Variants in SALL3 observed in about 807,000 individuals in gnomAD.
The protein encoded by SALL3 is spalt like transcription factor 3, also known as sal-like protein 3.
Under a neutral mutation model 66.2 loss-of-function variants are expected in SALL3, and 25 were observed. The observed-to-expected ratio is 0.38, with a 90% CI of 0.28 to 0.53. The LOEUF (loss-of-function observed/expected upper bound fraction) is 0.53. SALL3 is among the 20% of genes least tolerant of loss of function. SALL3 has a pLI of 0.85. For missense variants in SALL3, 2,194 were observed against 1,916.5 expected, an observed-to-expected ratio of 1.14 and a Z score of -2.70; for synonymous variants, 1,152 against 899.1, an observed-to-expected ratio of 1.28 and a Z score of -5.03.
At chr18:78,988,162 T>G (rs1350318099) in intron 1 of SALL3, among the ~76,000 whole-genome samples, 2 of 152,212 alleles carry the variant, frequency 1.3e-5, no homozygotes, top group Non-Finnish European at 2.9e-5. Context: ...AAAATACAAG[T>G]TTAATTTAAA....
At chr18:78,982,089 C>T (rs1232104155) in intron 1 of SALL3, among the ~76,000 whole-genome samples, 3 of 152,122 alleles carry the variant, frequency 2.0e-5, no homozygotes, top group African/African-American at 7.2e-5. Flanking sequence ...GAGTAAACCC[C>T]CTGGTATTTA....
At chr18:78,982,587 A>T (rs1914110598) in intron 1 of SALL3, among the ~76,000 whole-genome samples, 1 of 152,224 alleles carries the variant, frequency 6.6e-6, no homozygotes, top group Admixed American at 6.5e-5. Flanking sequence ...CCATTTGTGT[A>T]TTACTCGGTC....
rs770242578 is a variant in SALL3, at chr18:78,993,475, C to T, written c.1484C>T (p.Ser495Leu). 4 of 1,612,346 alleles carry T rather than the reference C, an allele frequency of 2.5e-6. No homozygotes were observed. Among genetic ancestry groups the T allele is most frequent in the Non-Finnish European group, 2.5e-6 (3 of 1,179,844 alleles). Reference sequence around the variant, plus strand: ...TACCTGGACAACGTGCCCACCTGCTCGGGCATCCCCTACGGCATGTCGCTG... The same window carrying T: ...TACCTGGACAACGTGCCCACCTGCTTGGGCATCCCCTACGGCATGTCGCTG... ...PEYLDNVPTCSGIPYGMSLPP... is the reference protein window; with the variant it reads ...PEYLDNVPTCLGIPYGMSLPP... Residue 495 changes from serine (S) to leucine (L), a missense_variant, in exon 2 of 3, where the codon TCG (serine) becomes TTG (leucine). Coordinates refer to ENST00000537592, the MANE Select transcript of SALL3 (RefSeq NM_171999.4).
In SALL3 at chr18:78,994,452, C is replaced by G; in HGVS notation, c.2461C>G (p.Pro821Ala). 6.2e-7 allele frequency: 1 copy of G among 1,612,634 alleles called. No homozygotes were observed. ...LKDAATDPAK[P>A]LLSYAGSCPP... is the part of the protein sequence containing the mutation. ...GGACGCGGCCACCGACCCGGCCAAG[C>G]CACTCCTGTCCTACGCGGGGTCCTG... The change falls in exon 2 of 3, where the codon CCA becomes GCA. Residue 821 changes from proline to alanine, a missense_variant. Coordinates refer to ENST00000537592, the MANE Select transcript of SALL3 (RefSeq NM_171999.4).
chr18:78,994,865 G>A lies in SALL3; in HGVS notation c.2874G>A (p.Glu958=). 6.2e-7 allele frequency: 1 copy of A among 1,606,408 alleles called. No homozygotes were observed. Residue 958 remains glutamate, a synonymous_variant, in exon 2 of 3, where the codon GAG becomes GAA. Transcript: ENST00000537592. ...CCCCTGGCCGCGCGGGCATCAAGGA[G>A]GAGGCGCCCTTCAGCCTGCTGTTCC... ...GGAPGRAGIK[E]EAPFSLLFLS... is the part of the protein sequence containing the mutation.
rs951977496 is a variant in SALL3, at chr18:78,998,936, C to T, written c.*1614C>T. 3 of 152,152 alleles carry T rather than the reference C, an allele frequency of 2.0e-5. No homozygotes were observed. The highest frequency in any genetic ancestry group is 1.9e-4 in the East Asian group (1 of 5,188). 9.4% of individuals were successfully genotyped at this position (152,152 alleles called of 1,614,324 possible). ...TTTTCGTGCGTTGCAAGTGTGCTGG[C>T]GTCTGACACTATGAACTTCCAACAA... On this transcript the variant is annotated 3_prime_UTR_variant, in exon 3 of 3. Transcript: ENST00000537592.
Position 78,996,873 on chromosome 18 carries a change from T to G in SALL3, c.3472-18T>G. Reference sequence around the variant, plus strand: ...TGTCTAGGCACTTACTCGTGGGCTGTCTCCGTGTCTCGCGCAGGTGCACAT... The same window carrying G: ...TGTCTAGGCACTTACTCGTGGGCTGGCTCCGTGTCTCGCGCAGGTGCACAT... On this transcript the variant is annotated intron_variant, in intron 2 of 2. Transcript: ENST00000537592. 6.3e-7 allele frequency: 1 copy of G among 1,589,860 alleles called. No individual in the cohort carries two copies. Among genetic ancestry groups the G allele is most frequent in the Non-Finnish European group, 8.6e-7 (1 of 1,165,966 alleles).
Position 78,992,230 on chromosome 18 carries a change from T to C in SALL3, c.239T>C (p.Leu80Pro), listed in dbSNP as rs1279407010. 1.2e-6 allele frequency: 2 copies of C among 1,602,824 alleles called. No individual in the cohort carries two copies. Among genetic ancestry groups the C allele is most frequent in the Non-Finnish European group, 1.7e-6 (2 of 1,176,704 alleles). Reference sequence around the variant, plus strand: ...AGCTGCACCAAGCTCCCGCCCGTGCTGATCGTGCACGAGGACGCGCCCGCG... The same window carrying C: ...AGCTGCACCAAGCTCCCGCCCGTGCCGATCGTGCACGAGGACGCGCCCGCG... ...QRSCTKLPPV[L>P]IVHEDAPAPP... The change falls in exon 2 of 3, where the codon CTG becomes CCG. Residue 80 changes from leucine to proline, a missense_variant. Leu to Pro is a moderately conservative substitution (Grantham distance 98). Coordinates refer to ENST00000537592, the MANE Select transcript of SALL3 (RefSeq NM_171999.4).
chr18:78,985,755 ATTTAT>A (rs1458783148), intron 1 of SALL3, among the ~76,000 whole-genome samples: 1 of 152,116 alleles, frequency 6.6e-6, no homozygotes, highest in African/African-American at 2.4e-5. Flanking sequence ...GGTTTTGCGT[ATTTAT>A]TTCTATGCAT....
In SALL3 at chr18:78,994,243, CCG is replaced by C; in HGVS notation, c.2253_2254del (p.Val752GlyfsTer46). The C allele has an allele frequency of 6.2e-7, 1 of 1,613,734 alleles. No homozygotes were observed. On this transcript the variant is annotated frameshift_variant, in exon 2 of 3. Transcript: ENST00000537592. LOFTEE classifies it high-confidence loss of function. ...ATCTGCCAGAAGAAGTTCACCAACG[CCG>C]TGGTCCTGCAGCAGCACATCCGCAT...
chr18:78,985,494 C>T (rs1914217553), intron 1 of SALL3, among the ~76,000 whole-genome samples: 1 of 152,152 alleles, frequency 6.6e-6, no homozygotes, highest in South Asian at 2.1e-4. Context: ...GATCTGTATA[C>T]GTGCAGAGTC....
intron 1 of SALL3, among the ~76,000 whole-genome samples, chr18:78,982,068 TTTAA>T (rs1914090772): frequency 6.6e-6 from 1 of 152,228 alleles, no homozygotes; most frequent in African/African-American, 2.4e-5. Context: ...TAAAGCATAT[TTTAA>T]TTAATAGAGT....
chr18:78,992,121 C>A lies in SALL3; in HGVS notation c.130C>A (p.Arg44Ser). Residue 44 changes from arginine (R) to serine (S), a missense_variant, in exon 2 of 3, where the codon CGC becomes AGC. Physicochemically the swap from Arg to Ser is moderately radical, Grantham distance 110. Coordinates refer to ENST00000537592, the MANE Select transcript of SALL3 (RefSeq NM_171999.4). ...GGACGCAGACAGCGGGCCCGAGAGC[C>A]GCAGCGGGGGCGAGGAGACCAGCGT... ...AEDADSGPES[R>S]SGGEETSVCE... is the part of the protein sequence containing the mutation. 1.3e-6 allele frequency: 2 copies of A among 1,596,384 alleles called. No homozygotes were observed. Among genetic ancestry groups the A allele is most frequent in the Non-Finnish European group, 1.7e-6 (2 of 1,172,488 alleles).
intron 2 of SALL3, among the ~76,000 whole-genome samples, chr18:78,995,836 G>T (rs1174559414): frequency 6.6e-6 from 1 of 152,082 alleles, no homozygotes; most frequent in East Asian, 1.9e-4. Context: ...CACACACACT[G>T]AGACTACATC....
chr18:78,993,493 T>C lies in SALL3; in HGVS notation c.1502T>C (p.Met501Thr). The C allele has an allele frequency of 6.2e-7, 1 of 1,609,812 alleles. No homozygotes were observed. Among genetic ancestry groups the C allele is most frequent in the Non-Finnish European group, 8.5e-7 (1 of 1,178,846 alleles). Residue 501 changes from methionine (M) to threonine (T), a missense_variant, in exon 2 of 3, where the codon ATG (methionine) becomes ACG (threonine). Met to Thr is a moderately conservative substitution (Grantham distance 81). Transcript: ENST00000537592. ...VPTCSGIPYG[M>T]SLPPEKPVTT... The stretch of plus-strand genomic sequence containing the variant: ...ACCTGCTCGGGCATCCCCTACGGCA[T>C]GTCGCTGCCCCCCGAGAAGCCCGTG...
At chr18:78,985,489 G>T (rs1914217259) in intron 1 of SALL3, among the ~76,000 whole-genome samples, 1 of 152,216 alleles carries the variant, frequency 6.6e-6, no homozygotes, top group South Asian at 2.1e-4. Context: ...TGTAGGATCT[G>T]TATACGTGCA....
In SALL3 at chr18:78,991,048, G is replaced by A. The variant is rs915823157; in HGVS notation, c.83-1026G>A. Among the ~76,000 whole-genome samples, 4 of 152,150 alleles carry A rather than the reference G, an allele frequency of 2.6e-5. No homozygotes were observed. In the East Asian group the frequency reaches 7.7e-4, roughly 29 times the overall value. ...AATTAAACATGTGTAACCAATTAGA[G>A]GGTTTTCCACTATGGCACAAGCATA... On this transcript the variant is annotated intron_variant, in intron 1 of 2. Coordinates refer to ENST00000537592, the MANE Select transcript of SALL3 (RefSeq NM_171999.4).
rs1007194503 is a variant in SALL3 at position 78,993,489 on chromosome 18, G to A, written c.1498G>A (p.Gly500Ser). 3.7e-6 allele frequency: 6 copies of A among 1,610,752 alleles called. No individual in the cohort carries two copies. Among genetic ancestry groups the A allele is most frequent in the South Asian group, 1.1e-5 (1 of 90,848 alleles). ...GCCCACCTGCTCGGGCATCCCCTAC[G>A]GCATGTCGCTGCCCCCCGAGAAGCC... ...NVPTCSGIPY[G>S]MSLPPEKPVT... The change falls in exon 2 of 3, where the codon GGC (glycine) becomes AGC (serine). Residue 500 changes from glycine to serine, a missense_variant. Coordinates refer to ENST00000537592, the MANE Select transcript of SALL3 (RefSeq NM_171999.4).
In SALL3 at chr18:78,992,924, C is replaced by A. The variant is rs1227392848; in HGVS notation, c.933C>A (p.Pro311=). The A allele has an allele frequency of 8.0e-6, 8 of 999,976 alleles. No individual in the cohort carries two copies. The highest frequency in any genetic ancestry group is 8.3e-6 in the Non-Finnish European group (7 of 841,136). The allele number at this position is 999,976 out of a possible 1,614,324, so 61.9% of individuals were successfully genotyped here. Residue 311 remains proline, a synonymous_variant, in exon 2 of 3, where the codon CCC becomes CCA. Coordinates refer to ENST00000537592, the MANE Select transcript of SALL3 (RefSeq NM_171999.4). The part of the protein sequence containing the change: ...TPGGPAEPSA[P]AAPSAAPAPA... The stretch of plus-strand genomic sequence containing the variant: ...GCGGCCCTGCGGAGCCCAGCGCGCC[C>A]GCCGCCCCCAGCGCCGCCCCTGCCC...
Sources: gnomAD v4.1 joint callset for allele counts (sites outside exome capture counted in the v4.1 genomes callset) on GRCh38, gnomAD v4.1.1 for gene constraint, MANE v1.5 for transcripts, NCBI Gene and HGNC (gene_info 2026-07-23, HGNC 2026-07-21) for gene names.